Variants in CAPN9 observed in about 807,000 individuals in gnomAD.
CAPN9 encodes the protein calpain 9.
A neutral mutation model predicts 92.8 loss-of-function variants in CAPN9; 81 were observed. The ratio of observed to expected loss-of-function variants is 0.87; its 90% CI spans 0.73 to 1.05. CAPN9 has a LOEUF of 1.05. Among genes scored for constraint, CAPN9 ranks in the 50% least tolerant of loss-of-function variants. The pLI, the probability that CAPN9 is intolerant of heterozygous loss-of-function variation, is 0.00. For synonymous variants in CAPN9, 304 were observed against 328.0 expected (o/e 0.93, Z 0.79); for missense variants, 848 against 866.2 (o/e 0.98, Z 0.26).
At chr1:230,751,792 A>G (rs1395668623) in intron 1 of CAPN9, among the ~76,000 whole-genome samples, 2 of 148,948 alleles carry the variant, frequency 1.3e-5, no homozygotes, top group African/African-American at 4.9e-5. Context: ...CCCTGAAAGC[A>G]AACATTCCAG....
At chr1:230,748,319 T>C (rs1558302120) in intron 1 of CAPN9, among the ~76,000 whole-genome samples, 1 of 152,188 alleles carries the variant, frequency 6.6e-6, no homozygotes, top group South Asian at 2.1e-4. Flanking sequence ...AGGTGCTAGC[T>C]TGTGCCTGGG....
At chr1:230,761,526 CTGG>C (rs1665638800) in intron 3 of CAPN9, among the ~76,000 whole-genome samples, 1 of 150,448 alleles carries the variant, frequency 6.6e-6, no homozygotes, top group Admixed American at 6.6e-5. Flanking sequence ...GGAGGTCCAG[CTGG>C]AGCAGGTGAC....
intron 17 of CAPN9, among the ~76,000 whole-genome samples, chr1:230,793,428 A>C (rs1414271354): frequency 6.6e-6 from 1 of 152,188 alleles, no homozygotes; most frequent in African/African-American, 2.4e-5. Context: ...AAAATGGATG[A>C]CTGCATCATA....
At chr1:230,765,474 C>T (rs1490279937) in intron 4 of CAPN9, among the ~76,000 whole-genome samples, 1 of 152,072 alleles carries the variant, frequency 6.6e-6, no homozygotes, top group Non-Finnish European at 1.5e-5. Context: ...GCCTGGCCAA[C>T]ATGATGAAAC....
intron 5 of CAPN9, 35 bp downstream of exon 5, chr1:230,767,744 T>C: frequency 1.3e-6 from 2 of 1,599,034 alleles, no homozygotes; most frequent in South Asian, 1.1e-5. Context: ...CCAGGCACTA[T>C]GCTGGGGCTG....
At chr1:230,749,398 C>T (rs539311323) in intron 1 of CAPN9, among the ~76,000 whole-genome samples, 6 of 152,326 alleles carry the variant, frequency 3.9e-5, no homozygotes, top group East Asian at 1.9e-4. Flanking sequence ...TGAGGGGCAC[C>T]GCCCACGACC....
chr1:230,790,084 A>G (rs775425018), intron 13 of CAPN9, 48 bp from the exon 14 acceptor site: 2 of 1,498,328 alleles, frequency 1.3e-6, no homozygotes, highest in South Asian at 2.3e-5. Context: ...ATAAACTATA[A>G]AAGAAGGTGC....
At chr1:230,760,347 C>T (rs7515210) in intron 3 of CAPN9, among the ~76,000 whole-genome samples, 43,934 of 152,018 alleles carry the variant, frequency 0.29, 6,428 homozygotes, top group Middle Eastern at 0.35. Flanking sequence ...GCAGGCTTCC[C>T]GTAGAGCTAA....
Position 230,759,624 on chromosome 1 carries a change from T to C in CAPN9, c.396T>C (p.His132=), listed in dbSNP as rs765254161. The C allele has an allele frequency of 1.9e-6, 3 of 1,602,778 alleles. No homozygotes were observed. In the South Asian group the frequency reaches 3.4e-5, roughly 18 times the overall value. ...GCCCTGGTTATGCCGGGATATTCCA[T>C]TTCCAGGTAAGAGGGAGCCCTGGGC... The part of the protein sequence containing the change: ...SFGPGYAGIF[H]FQFWQHSEWL... The change falls in exon 3 of 20, where the codon CAT becomes CAC. Residue 132 remains histidine (H), a synonymous_variant. Transcript: ENST00000271971.
In CAPN9 at chr1:230,755,371, G is replaced by T; in HGVS notation, c.248G>T (p.Gly83Val). ...AAAAACCCAGAATTCATTCTTGGAGGGGCCACCAGGACTGATATCTGCCAG... is the reference window on the plus strand; with the variant it reads ...AAAAACCCAGAATTCATTCTTGGAGTGGCCACCAGGACTGATATCTGCCAG... ...IVKNPEFILG[G>V]ATRTDICQGE... Residue 83 changes from glycine to valine, a missense_variant, in exon 2 of 20, where the codon GGG becomes GTG. Physicochemically the swap from Gly to Val is moderately radical, Grantham distance 109. Coordinates refer to ENST00000271971, the MANE Select transcript of CAPN9 (RefSeq NM_006615.3). 6.2e-7 allele frequency: 1 copy of T among 1,610,512 alleles called. No individual in the cohort carries two copies. Among genetic ancestry groups the T allele is most frequent in the Non-Finnish European group, 8.5e-7 (1 of 1,178,544 alleles).
At chr1:230,792,988 C>T (rs1668113618) in intron 17 of CAPN9, 60 bp downstream of exon 17, 1 of 1,298,136 alleles carries the variant, frequency 7.7e-7, no homozygotes, top group Non-Finnish European at 1.1e-6. Flanking sequence ...CTGTGGGCAA[C>T]CTGAGCAGAT....
rs555195763 is a variant in CAPN9, at chr1:230,786,309, C to G, written c.1518+292C>G. 8 of 273,056 alleles carry G rather than the reference C, an allele frequency of 2.9e-5. No homozygotes were observed. The South Asian group carries it at 1.1e-3, about 38-fold the overall frequency. The allele number at this position is 273,056 out of a possible 1,614,324, so 16.9% of individuals were successfully genotyped here. Reference sequence around the variant, plus strand: ...CTGAAATAACAAACACAGAGACACTCTCTAAAAGAAAAGCTATTTATTTAG... The same window carrying G: ...CTGAAATAACAAACACAGAGACACTGTCTAAAAGAAAAGCTATTTATTTAG... On this transcript the variant is annotated intron_variant, in intron 12 of 19. Transcript: ENST00000271971.
chr1:230,801,444 T>C (rs1668720006), intron 19 of CAPN9, 126 bp from the exon 20 acceptor site: 3 of 871,350 alleles, frequency 3.4e-6, no homozygotes, highest in Non-Finnish European at 5.9e-6. Flanking sequence ...GACATCCAAG[T>C]TGGCAGGCAA....
intron 8 of CAPN9, 111 bp downstream of exon 8, chr1:230,774,742 T>TCTTTCTTTC (rs1553260374): frequency 2.7e-3 from 750 of 277,792 alleles, no homozygotes; most frequent in Middle Eastern, 0.014. Context: ...TTTCTTTCTT[T>TCTTTCTTTC]TTTTTTTTTT....
At chr1:230,759,800 C>T (rs887519514) in intron 3 of CAPN9, among the ~76,000 whole-genome samples, 170 bp downstream of exon 3, 1 of 152,172 alleles carries the variant, frequency 6.6e-6, no homozygotes, top group Non-Finnish European at 1.5e-5. Flanking sequence ...CAGCTAAATG[C>T]CTCAGAAGAA....
rs967529177 is a variant in CAPN9 at position 230,790,577 on chromosome 1, C to G, written c.1657+388C>G. On this transcript the variant is annotated intron_variant, in intron 14 of 19. Transcript: ENST00000271971. ...CAGTGTTAACCCTGTACCCATTTCC[C>G]CCAGCCCCAGGCAACCACTCATCTA... Among the ~76,000 whole-genome samples the G allele has an allele frequency of 3.6e-4, 54 of 149,884 alleles. 2 individuals are homozygous for G. The highest frequency in any genetic ancestry group is 1.0e-4 in the Non-Finnish European group (7 of 67,808).
chr1:230,789,860 C>G (rs769617659), intron 13 of CAPN9, among the ~76,000 whole-genome samples: 1 of 152,162 alleles, frequency 6.6e-6, no homozygotes, highest in Non-Finnish European at 1.5e-5. Flanking sequence ...AAACCACTGC[C>G]TTGCCCTGCC....
chr1:230,800,503 G>T (rs934094426), intron 19 of CAPN9, among the ~76,000 whole-genome samples: 1 of 152,144 alleles, frequency 6.6e-6, no homozygotes, highest in East Asian at 1.9e-4. Flanking sequence ...TGTGGAGGAA[G>T]TATTCCAGTG....
intron 11 of CAPN9, 96 bp from the exon 12 acceptor site, chr1:230,785,885 G>T: frequency 8.3e-7 from 1 of 1,211,006 alleles, no homozygotes; most frequent in Non-Finnish European, 1.2e-6. Flanking sequence ...GGATTCAAAG[G>T]GACAGAACCT....
Sources: allele counts gnomAD v4.1 joint callset (sites outside exome capture counted in the v4.1 genomes callset), GRCh38; gene constraint gnomAD v4.1.1; transcripts MANE v1.5; gene names NCBI Gene and HGNC (gene_info 2026-07-23, HGNC 2026-07-21).